SLC35F1: variants seen among roughly 807,000 people sequenced by gnomAD.
SLC35F1 encodes solute carrier family 35 member F1, also known as chromosome 6 open reading frame 169.
A neutral mutation model predicts 48.7 loss-of-function variants in SLC35F1; 14 were observed. The observed-to-expected ratio is 0.29, with a 90% CI of 0.19 to 0.45. The LOEUF (loss-of-function observed/expected upper bound fraction) is 0.45. SLC35F1 is among the 20% of genes least tolerant of loss of function. The pLI, the probability that SLC35F1 is intolerant of heterozygous loss-of-function variation, is 1.00. For missense variants in SLC35F1, 404 were observed against 500.0 expected (o/e 0.81, Z 1.83); for synonymous variants, 190 against 202.2 (o/e 0.94, Z 0.51).
intron 2 of SLC35F1, among the ~76,000 whole-genome samples, chr6:118,164,729 T>C (rs1318180756): frequency 6.6e-6 from 1 of 152,224 alleles, no homozygotes; most frequent in African/African-American, 2.4e-5. Context: ...TAACCCTTAA[T>C]TTGAATAAAT....
At chr6:118,255,325 A>G (rs894528772) in intron 3 of SLC35F1, among the ~76,000 whole-genome samples, 1 of 152,204 alleles carries the variant, frequency 6.6e-6, no homozygotes, top group Admixed American at 6.5e-5. Context: ...TATAGTAGGC[A>G]CTCAGTAAAT....
chr6:118,010,816 C>G (rs1461591031), intron 1 of SLC35F1, among the ~76,000 whole-genome samples: 2 of 152,204 alleles, frequency 1.3e-5, no homozygotes, highest in East Asian at 3.9e-4. Flanking sequence ...TCACTGATCT[C>G]AAGCCTACCT....
chr6:117,997,083 G>A (rs910365381), intron 1 of SLC35F1, among the ~76,000 whole-genome samples: 3 of 151,072 alleles, frequency 2.0e-5, no homozygotes, highest in Admixed American at 1.3e-4. Flanking sequence ...GCTTAAAGGA[G>A]CTGATGGAGC....
intron 1 of SLC35F1, among the ~76,000 whole-genome samples, chr6:117,911,794 A>G (rs1467636725): frequency 1.3e-5 from 2 of 152,052 alleles, no homozygotes. Context: ...TGCCACAGGC[A>G]ATCAGAAAAT....
intron 3 of SLC35F1, among the ~76,000 whole-genome samples, chr6:118,252,763 GC>G (rs1314390184): frequency 1.3e-5 from 2 of 152,298 alleles, no homozygotes; most frequent in East Asian, 3.9e-4. Flanking sequence ...GGGAAAGCAG[GC>G]TGAGGAGAGG....
intron 7 of SLC35F1, among the ~76,000 whole-genome samples, chr6:118,290,207 T>G (rs1008607710): frequency 3.3e-4 from 49 of 149,692 alleles, no homozygotes; most frequent in Non-Finnish European, 6.0e-4. Flanking sequence ...AATATTTCAG[T>G]GTTTTTTTTT....
intron 2 of SLC35F1, among the ~76,000 whole-genome samples, chr6:118,232,623 T>C (rs1276358067): frequency 7.0e-6 from 1 of 143,744 alleles, no homozygotes; most frequent in African/African-American, 2.6e-5. Context: ...GTACTAAGAG[T>C]ATCAAGGAAG....
chr6:118,022,004 T>C (rs1320020765), intron 1 of SLC35F1, among the ~76,000 whole-genome samples: 2 of 152,126 alleles, frequency 1.3e-5, no homozygotes, highest in Non-Finnish European at 2.9e-5. Flanking sequence ...CTGCCACATT[T>C]TGTTGGTCAG....
At chr6:118,033,773 T>C (rs1408675701) in intron 1 of SLC35F1, among the ~76,000 whole-genome samples, 6 of 152,158 alleles carry the variant, frequency 3.9e-5, no homozygotes, top group African/African-American at 1.4e-4. Flanking sequence ...ACATAATCAG[T>C]GTTACCCACA....
At chr6:118,182,576 G>A (rs1774597996) in intron 2 of SLC35F1, among the ~76,000 whole-genome samples, 1 of 144,344 alleles carries the variant, frequency 6.9e-6, no homozygotes, top group South Asian at 2.2e-4. Context: ...AAAAAGAAAG[G>A]CAATTTAGGT....
chr6:118,087,733 C>T (rs1179625378), intron 1 of SLC35F1, among the ~76,000 whole-genome samples: 1 of 152,162 alleles, frequency 6.6e-6, no homozygotes, highest in Admixed American at 6.5e-5. Flanking sequence ...ACTCAGATAC[C>T]ACCTACTGTT....
At chr6:118,002,381 C>T (rs1189652599) in intron 1 of SLC35F1, among the ~76,000 whole-genome samples, 1 of 151,050 alleles carries the variant, frequency 6.6e-6, no homozygotes, top group Admixed American at 6.6e-5. Context: ...TGTTCTCACT[C>T]ATAGGTGGGA....
At chr6:117,963,247 A>C (rs1164751827) in intron 1 of SLC35F1, among the ~76,000 whole-genome samples, 3 of 152,208 alleles carry the variant, frequency 2.0e-5, no homozygotes, top group Non-Finnish European at 4.4e-5. Context: ...TGATTGTGGT[A>C]AGGATTACTG....
chr6:118,228,315 T>A (rs139589838), intron 2 of SLC35F1, among the ~76,000 whole-genome samples: 141,250 of 151,982 alleles, frequency 0.93, 65,650 homozygotes, highest in East Asian at 0.98. Flanking sequence ...CTAAATGGAA[T>A]AGTTTTAAAC....
Position 117,907,706 on chromosome 6 carries a change from C to T in SLC35F1, c.-21C>T, listed in dbSNP as rs901783200. The T allele has an allele frequency of 1.4e-6, 2 of 1,448,336 alleles. No homozygotes were observed. Among genetic ancestry groups the T allele is most frequent in the South Asian group, 2.4e-5 (2 of 81,896 alleles). The allele number at this position is 1,448,336 out of a possible 1,614,324, so 89.7% of individuals were successfully genotyped here. On this transcript the variant is annotated 5_prime_UTR_variant, in exon 1 of 8. Coordinates refer to ENST00000360388, the MANE Select transcript of SLC35F1 (RefSeq NM_001029858.4). ...CACCCGGCTGCGTTCTGATCGCCGC[C>T]GCGCCTCAGCCTCTGCCGCGATGAT...
chr6:118,017,174 C>T (rs1020285657), intron 1 of SLC35F1, among the ~76,000 whole-genome samples: 8 of 152,186 alleles, frequency 5.3e-5, no homozygotes, highest in African/African-American at 1.9e-4. Context: ...AATGTTGCCT[C>T]ACTTAGGCCT....
Position 117,929,453 on chromosome 6 carries a change from A to G in SLC35F1, c.173+21554A>G, listed in dbSNP as rs867933571. On this transcript the variant is annotated intron_variant, in intron 1 of 7. Coordinates refer to ENST00000360388, the MANE Select transcript of SLC35F1 (RefSeq NM_001029858.4). Reference sequence around the variant, plus strand: ...CATTTGTATATATGTGTATGTATTTATGTGTGTGTGTGTGTGTGTGTGTGT... The same window carrying G: ...CATTTGTATATATGTGTATGTATTTGTGTGTGTGTGTGTGTGTGTGTGTGT... 2.9e-3 allele frequency among the ~76,000 whole-genome samples: 428 copies of G among 146,090 alleles called. 1 individual carries two copies. Among genetic ancestry groups the G allele is most frequent in the African/African-American group, 9.8e-3 (388 of 39,702 alleles).
chr6:118,006,829 A>G (rs1777179793), intron 1 of SLC35F1, among the ~76,000 whole-genome samples: 1 of 152,122 alleles, frequency 6.6e-6, no homozygotes. Flanking sequence ...TCATGAGATG[A>G]GTAGTTCTTT....
intron 2 of SLC35F1, among the ~76,000 whole-genome samples, chr6:118,189,254 C>G (rs1189663509): frequency 2.0e-5 from 3 of 152,300 alleles, no homozygotes; most frequent in East Asian, 3.9e-4. Flanking sequence ...TCCCTCTTCT[C>G]TAGACCATCA....
Sources: allele counts gnomAD v4.1 joint callset (sites outside exome capture counted in the v4.1 genomes callset), GRCh38; gene constraint gnomAD v4.1.1; transcripts MANE v1.5; gene names NCBI Gene and HGNC (gene_info 2026-07-23, HGNC 2026-07-21).